The following PML variants were observed in gnomAD, a reference collection of about 807,000 sequenced individuals.
PML encodes PML nuclear body scaffold.
In PML, 28 loss-of-function variants were observed where a neutral mutation model predicts 65.2. The ratio of observed to expected loss-of-function variants is 0.43; its 90% confidence interval spans 0.32 to 0.59. The LOEUF (loss-of-function observed/expected upper bound fraction) is 0.59. Ranked by LOEUF, PML falls within the 20% of genes least tolerant of loss-of-function variation. The pLI, the probability that PML is intolerant of heterozygous loss-of-function variation, is 0.08. For missense variants in PML, 1,021 were observed against 1,203.4 expected (o/e 0.85, Z 2.24); for synonymous variants, 500 against 508.8 (o/e 0.98, Z 0.23).
chr15:74,031,359 C>A, intron 4 of PML: 1 of 391,164 alleles, frequency 2.6e-6, no homozygotes, highest in Non-Finnish European at 5.1e-6. Flanking sequence ...ACTGCAATGT[C>A]TGCCTCAGGG....
chr15:74,032,417 G>T, intron 4 of PML, 155 bp from the exon 5 acceptor site: 1 of 751,212 alleles, frequency 1.3e-6, no homozygotes, highest in Non-Finnish European at 2.3e-6. Context: ...GAGTTTGGAG[G>T]ACTTCTTGTC....
intron 2 of PML, among the ~76,000 whole-genome samples, chr15:74,010,850 G>T (rs756415977): frequency 3.9e-5 from 6 of 152,252 alleles, no homozygotes; most frequent in African/African-American, 1.2e-4. Context: ...TTGTATTTAT[G>T]TGGGAGGGTC....
intron 6 of PML, 48 bp from the exon 7 acceptor site, chr15:74,034,430 G>C: frequency 1.2e-6 from 2 of 1,613,864 alleles, no homozygotes; most frequent in Non-Finnish European, 1.7e-6. Flanking sequence ...ACCCCTCCCA[G>C]CATGCATCCT....
chr15:74,015,534 G>C (rs2070531035), intron 2 of PML, among the ~76,000 whole-genome samples: 1 of 152,168 alleles, frequency 6.6e-6, no homozygotes, highest in African/African-American at 2.4e-5. Context: ...TTGCATTTTA[G>C]AGCTACCAGT....
In PML at chr15:73,998,495, G is replaced by A. The variant is rs780683954; in HGVS notation, c.602+19G>A. The A allele has an allele frequency of 1.3e-6, 2 of 1,597,040 alleles. No homozygotes were observed. Among genetic ancestry groups the A allele is most frequent in the Admixed American group, 1.7e-5 (1 of 59,858 alleles). ...TGACCAGGTGAGTAGGCCGGCACAG[G>A]GTGGGGTGGTGCATCCAAGTACCAG... On this transcript the variant is annotated intron_variant, in intron 2 of 8. Coordinates refer to ENST00000268058, the MANE Select transcript of PML (RefSeq NM_033238.3).
intron 4 of PML, among the ~76,000 whole-genome samples, chr15:74,032,084 A>G (rs998719110): frequency 6.6e-6 from 1 of 152,200 alleles, no homozygotes; most frequent in African/African-American, 2.4e-5. Context: ...TGCTTTCGCC[A>G]GTAGTGAGCA....
intron 2 of PML, among the ~76,000 whole-genome samples, chr15:74,002,444 CTTTTTTTTT>C (rs71137368): frequency 9.5e-6 from 1 of 104,762 alleles, no homozygotes; most frequent in Non-Finnish European, 1.8e-5. Context: ...TCTTTCTTTT[CTTTTTTTTT>C]TTTTTTTTTT....
chr15:74,047,490 C>G lies in PML; in HGVS notation c.*2482C>G, dbSNP rs1452354295. Reference sequence around the variant, plus strand: ...TCCCAATATGTCACCTGTGCTTCATCTTTGGACTATATCTCAGGTGTTTAC... The same window carrying G: ...TCCCAATATGTCACCTGTGCTTCATGTTTGGACTATATCTCAGGTGTTTAC... On this transcript the variant is annotated 3_prime_UTR_variant, in exon 9 of 9. Coordinates refer to ENST00000268058, the MANE Select transcript of PML (RefSeq NM_033238.3). 4.5e-6 allele frequency: 1 copy of G among 224,102 alleles called. No individual in the cohort carries two copies. The highest frequency in any genetic ancestry group is 6.4e-5 in the East Asian group (1 of 15,522). 13.9% of individuals were successfully genotyped at this position (224,102 alleles called of 1,614,324 possible).
chr15:74,016,790 A>ATTTTTTTTTTT (rs1419052993), intron 2 of PML, among the ~76,000 whole-genome samples: 46 of 64,460 alleles, frequency 7.1e-4, no homozygotes, highest in South Asian at 3.2e-3. Context: ...AGGCAGTGGC[A>ATTTTTTTTTTT]TCTTTTTTTT....
At chr15:74,013,000 A>G (rs1302278621) in intron 2 of PML, among the ~76,000 whole-genome samples, 1 of 152,126 alleles carries the variant, frequency 6.6e-6, no homozygotes, top group Non-Finnish European at 1.5e-5. Context: ...TCCAGCATCA[A>G]ATGTTCATTA....
chr15:74,036,882 C>T, intron 7 of PML: 1 of 950,312 alleles, frequency 1.1e-6, no homozygotes, highest in African/African-American at 1.8e-5. Context: ...GGTCCCTCAG[C>T]CGGTCCTCTC....
intron 2 of PML, 92 bp downstream of exon 2, chr15:73,998,568 C>A: frequency 8.9e-7 from 1 of 1,124,264 alleles, no homozygotes; most frequent in Non-Finnish European, 1.3e-6. Context: ...CAGCTGAGGA[C>A]AAGGAGCTTC....
In PML at chr15:74,022,834, C is replaced by T. The variant is rs2070900275; in HGVS notation, c.609C>T (p.Tyr203=). Residue 203 remains tyrosine, a synonymous_variant, in exon 3 of 9, where the codon TAC becomes TAT. Coordinates refer to ENST00000268058, the MANE Select transcript of PML (RefSeq NM_033238.3). Reference sequence around the variant, plus strand: ...CAACCTTGTGTGTCCACAGCATCTACTGCCGAGGATGTTCCAAGCCGCTGT... The same window carrying T: ...CAACCTTGTGTGTCCACAGCATCTATTGCCGAGGATGTTCCAAGCCGCTGT... The part of the protein sequence containing the change: ...NHRTPTLTSI[Y]CRGCSKPLCC... 1 of 1,613,814 alleles carries T rather than the reference C, an allele frequency of 6.2e-7. No homozygotes were observed.
At chr15:74,019,792 CCAGTA>C (rs2141821903) in intron 2 of PML, among the ~76,000 whole-genome samples, 1 of 152,340 alleles carries the variant, frequency 6.6e-6, no homozygotes, top group African/African-American at 2.4e-5. Flanking sequence ...TTTAATCCTT[CCAGTA>C]CTCCTATTAT....
chr15:74,025,057 T>G, intron 4 of PML, 130 bp downstream of exon 4: 3 of 710,382 alleles, frequency 4.2e-6, no homozygotes, highest in Middle Eastern at 3.8e-4. Flanking sequence ...GGACTGGAAA[T>G]TTCAGTGAGA....
At chr15:74,021,095 A>G (rs2070813337) in intron 2 of PML, among the ~76,000 whole-genome samples, 3 of 152,228 alleles carry the variant, frequency 2.0e-5, no homozygotes, top group Non-Finnish European at 4.4e-5. Flanking sequence ...GTTTGCATCT[A>G]GACTCTACCA....
At chr15:74,017,089 G>A (rs1027640982) in intron 2 of PML, among the ~76,000 whole-genome samples, 22 of 151,740 alleles carry the variant, frequency 1.4e-4, no homozygotes, top group African/African-American at 4.3e-4. Context: ...GAGCCGCCGC[G>A]CCCGGCCGGG....
chr15:74,030,659 CAAACA>C (rs759372871), intron 4 of PML, among the ~76,000 whole-genome samples: 2 of 152,014 alleles, frequency 1.3e-5, no homozygotes, highest in African/African-American at 2.4e-5. Flanking sequence ...TCAAAACAAA[CAAACA>C]AACAAACGAA....
At chr15:74,002,477 T>C (rs1348208470) in intron 2 of PML, among the ~76,000 whole-genome samples, 1 of 138,862 alleles carries the variant, frequency 7.2e-6, no homozygotes, top group Non-Finnish European at 1.5e-5. Flanking sequence ...GGAGTCTTGC[T>C]CTGTCATCCA....
Sources: gnomAD v4.1 joint callset for allele counts (sites outside exome capture counted in the v4.1 genomes callset) on GRCh38, gnomAD v4.1.1 for gene constraint, MANE v1.5 for transcripts, NCBI Gene and HGNC (gene_info 2026-07-23, HGNC 2026-07-21) for gene names.